Variants in STARD13 observed in about 807,000 individuals in gnomAD.
STARD13 encodes StAR related lipid transfer domain containing 13.
Under a neutral mutation model 106.4 loss-of-function variants are expected in STARD13, and 62 were observed. The ratio of observed to expected loss-of-function variants is 0.58; its 90% CI spans 0.48 to 0.72. The LOEUF (loss-of-function observed/expected upper bound fraction) is 0.72, where lower values mean the gene tolerates loss of function less well. STARD13 is among the 30% of genes least tolerant of loss of function. The pLI is 0.00. For missense variants in STARD13, 1,387 were observed against 1,424.0 expected, an observed-to-expected ratio of 0.97 and a Z score of 0.42; for synonymous variants, 565 against 553.0, an observed-to-expected ratio of 1.02 and a Z score of -0.31.
intron 1 of STARD13, among the ~76,000 whole-genome samples, chr13:33,205,104 T>C (rs117482492): frequency 3.9e-5 from 6 of 152,332 alleles, no homozygotes; most frequent in Non-Finnish European, 8.8e-5. Flanking sequence ...ATGCGACATA[T>C]GACATCGAAC....
chr13:33,575,869 G>A, the STARD13 span, among the ~76,000 whole-genome samples: 1 of 152,022 alleles, frequency 6.6e-6, no homozygotes, highest in South Asian at 2.1e-4. Flanking sequence ...ACCCAAAACA[G>A]ACTAATGTAC....
At chr13:33,620,507 T>G in the STARD13 span, among the ~76,000 whole-genome samples, 1 of 151,916 alleles carries the variant, frequency 6.6e-6, no homozygotes, top group African/African-American at 2.4e-5. Context: ...AGTCTCAAAC[T>G]CCTGACCTCA....
chr13:33,602,334 G>A, the STARD13 span, among the ~76,000 whole-genome samples: 10,410 of 152,116 alleles, frequency 0.068, 381 homozygotes, highest in Admixed American at 0.091. Context: ...CTCGTGATCC[G>A]CCTGCCTTGG....
chr13:33,118,343 G>C, intron 7 of STARD13, 80 bp from the exon 8 acceptor site: 1 of 1,246,242 alleles, frequency 8.0e-7, no homozygotes, highest in Non-Finnish European at 1.2e-6. Context: ...AAGGGAACTG[G>C]ATGAGCTGGA....
the STARD13 span, among the ~76,000 whole-genome samples, chr13:33,631,467 G>A: frequency 5.3e-5 from 8 of 152,206 alleles, no homozygotes; most frequent in Non-Finnish European, 1.2e-4. Flanking sequence ...GGTAAATCAT[G>A]TATAAGAGAT....
At chr13:33,390,974 T>A in the STARD13 span, among the ~76,000 whole-genome samples, 1 of 152,150 alleles carries the variant, frequency 6.6e-6, no homozygotes, top group Non-Finnish European at 1.5e-5. Context: ...AGGCAGCACT[T>A]GAATTCTGGT....
At chr13:33,126,050 T>C (rs1853837372) in intron 7 of STARD13, 31 bp downstream of exon 7, 1 of 1,608,428 alleles carries the variant, frequency 6.2e-7, no homozygotes, top group Non-Finnish European at 8.5e-7. Flanking sequence ...TTGGGGGTGG[T>C]GGGGCAGCAG....
chr13:33,141,560 C>T (rs1879834053), intron 4 of STARD13, among the ~76,000 whole-genome samples: 1 of 152,176 alleles, frequency 6.6e-6, no homozygotes, highest in African/African-American at 2.4e-5. Flanking sequence ...TTCCTTGTGG[C>T]TAGAGACAAG....
the STARD13 span, among the ~76,000 whole-genome samples, chr13:33,388,839 G>A: frequency 2.0e-5 from 3 of 152,082 alleles, no homozygotes; most frequent in Non-Finnish European, 4.4e-5. Flanking sequence ...ATTGAGCATT[G>A]TGTCAGTGTT....
chr13:33,131,145 TG>T (rs912369548), intron 4 of STARD13, among the ~76,000 whole-genome samples: 1 of 152,222 alleles, frequency 6.6e-6, no homozygotes, highest in African/African-American at 2.4e-5. Flanking sequence ...GGTTTAGCTT[TG>T]CATAGCCTTG....
the STARD13 span, among the ~76,000 whole-genome samples, chr13:33,434,352 C>CAAAAA: frequency 0.02 from 1,410 of 70,076 alleles, 61 homozygotes; most frequent in African/African-American, 0.033. Flanking sequence ...GACTCTGTCT[C>CAAAAA]AAAAAAAAAA....
intron 1 of STARD13, chr13:33,206,016 C>T (rs1887393620): frequency 1.0e-6 from 1 of 985,402 alleles, no homozygotes; most frequent in African/African-American, 1.7e-5. Context: ...GACTGGTCCA[C>T]ATCATTCTAG....
chr13:33,163,688 T>TATATATAACATATATATATAAAAC (rs1882983317), intron 3 of STARD13, among the ~76,000 whole-genome samples: 2 of 118,838 alleles, frequency 1.7e-5, no homozygotes, highest in African/African-American at 7.2e-5. Context: ...ATAAAACATA[T>TATATATAACATATATATATAAAAC]ATATATATAA....
the STARD13 span, among the ~76,000 whole-genome samples, chr13:33,610,107 A>G: frequency 6.6e-6 from 1 of 152,258 alleles, no homozygotes; most frequent in Admixed American, 6.5e-5. Context: ...GGTTAAGTGC[A>G]AAATGTAAAT....
chr13:33,126,278 G>A (rs771237345), intron 6 of STARD13, 38 bp from the exon 7 acceptor site: 1 of 1,605,238 alleles, frequency 6.2e-7, no homozygotes. Context: ...AAGCCTCCTG[G>A]GTCACACTGT....
the STARD13 span, among the ~76,000 whole-genome samples, chr13:33,558,867 A>G: frequency 6.6e-6 from 1 of 151,538 alleles, no homozygotes; most frequent in Non-Finnish European, 1.5e-5. Flanking sequence ...CCAATATTAG[A>G]GTTTTATTTT....
At chr13:33,573,123 T>G in the STARD13 span, among the ~76,000 whole-genome samples, 864 of 152,306 alleles carry the variant, frequency 5.7e-3, 10 homozygotes, top group African/African-American at 0.02. Context: ...GTTCCTTCCC[T>G]AATTACAGGA....
chr13:33,243,744 A>C (rs529145241), intron 1 of STARD13, among the ~76,000 whole-genome samples: 22 of 152,262 alleles, frequency 1.4e-4, no homozygotes, highest in Non-Finnish European at 2.6e-4. Context: ...TTTCCTTCAT[A>C]GAACTTGGAG....
At chr13:33,664,325 ATTG>A in the STARD13 span, among the ~76,000 whole-genome samples, 7 of 152,248 alleles carry the variant, frequency 4.6e-5, no homozygotes, top group African/African-American at 1.7e-4. Flanking sequence ...TGTTTTTACA[ATTG>A]TTGTTGAGTT....
Sources: gnomAD v4.1 joint callset for allele counts (sites outside exome capture counted in the v4.1 genomes callset) on GRCh38, gnomAD v4.1.1 for gene constraint, MANE v1.5 for transcripts, NCBI Gene and HGNC (gene_info 2026-07-23, HGNC 2026-07-21) for gene names.